The following GPBP1 variants were observed in gnomAD, a reference collection of about 807,000 sequenced individuals.
GPBP1 encodes the protein vasculin.
GPBP1 carries 13 observed loss-of-function variants against 56.5 expected under a neutral mutation model. The ratio of observed to expected loss-of-function variants is 0.23; its 90% CI spans 0.15 to 0.37. The LOEUF is 0.37. Ranked by LOEUF, GPBP1 falls within the 10% of genes least tolerant of loss-of-function variation. The pLI is 1.00. For missense variants in GPBP1, 477 were observed against 572.3 expected (o/e 0.83, Z 1.70); for synonymous variants, 204 against 188.9 (o/e 1.08, Z -0.66).
chr5:57,232,697 T>C (rs1580052782), intron 5 of GPBP1, among the ~76,000 whole-genome samples: 1 of 152,334 alleles, frequency 6.6e-6, no homozygotes, highest in African/African-American at 2.4e-5. Context: ...AGCAGTAAAG[T>C]AGATGCGTCA....
In GPBP1 at chr5:57,176,210, A is replaced by G; in HGVS notation, c.-248A>G. On this transcript the variant is annotated 5_prime_UTR_variant, in exon 2 of 12. The change creates a new upstream start codon in the 5' untranslated region. Coordinates refer to ENST00000506184, the MANE Select transcript of GPBP1 (RefSeq NM_022913.4). ...AAAGAACTTGGCTAATTCGGGAGAT[A>G]GCCATATGAAAACTTTAAAACAGAA... 2.6e-6 allele frequency: 1 copy of G among 390,970 alleles called. No homozygotes were observed. The highest frequency in any genetic ancestry group is 2.1e-5 in the African/African-American group (1 of 48,632). 24.2% of individuals were successfully genotyped at this position (390,970 alleles called of 1,614,324 possible).
At chr5:57,238,827 A>G (rs1475199376) in intron 6 of GPBP1, among the ~76,000 whole-genome samples, 1 of 152,196 alleles carries the variant, frequency 6.6e-6, no homozygotes, top group Non-Finnish European at 1.5e-5. Flanking sequence ...TTGATATACT[A>G]CTTAAGAACA....
chr5:57,202,725 T>C (rs1301280039), intron 2 of GPBP1, among the ~76,000 whole-genome samples: 2 of 152,240 alleles, frequency 1.3e-5, no homozygotes, highest in Non-Finnish European at 2.9e-5. Context: ...TTACAGTTAT[T>C]TGTTAATGCT....
chr5:57,184,242 AAAATT>A (rs1427515749), intron 2 of GPBP1, among the ~76,000 whole-genome samples: 2 of 152,100 alleles, frequency 1.3e-5, no homozygotes, highest in Non-Finnish European at 2.9e-5. Flanking sequence ...AAAGGGAAAA[AAAATT>A]AGGTTTATTG....
At chr5:57,180,479 T>C (rs1753993505) in intron 2 of GPBP1, among the ~76,000 whole-genome samples, 1 of 152,204 alleles carries the variant, frequency 6.6e-6, no homozygotes, top group South Asian at 2.1e-4. Flanking sequence ...ATAAAAATGT[T>C]TATCAAATGT....
intron 3 of GPBP1, among the ~76,000 whole-genome samples, chr5:57,219,142 A>G (rs996837226): frequency 6.6e-6 from 1 of 151,888 alleles, no homozygotes; most frequent in Admixed American, 6.6e-5. Context: ...TTAGGAGGCC[A>G]AGGCTGGTGG....
intron 2 of GPBP1, among the ~76,000 whole-genome samples, chr5:57,212,272 G>GTAAATAC (rs570778173): frequency 1.3e-5 from 2 of 152,124 alleles, no homozygotes; most frequent in South Asian, 2.1e-4. Flanking sequence ...GGAAAAGTGT[G>GTAAATAC]TAAATACTAA....
chr5:57,185,297 T>C (rs1447507789), intron 2 of GPBP1, among the ~76,000 whole-genome samples: 2 of 151,646 alleles, frequency 1.3e-5, no homozygotes, highest in Non-Finnish European at 2.9e-5. Flanking sequence ...GTTTTGCTGT[T>C]GTTGCCCAGG....
At chr5:57,187,777 C>T (rs1300229761) in intron 2 of GPBP1, among the ~76,000 whole-genome samples, 1 of 151,820 alleles carries the variant, frequency 6.6e-6, no homozygotes, top group Non-Finnish European at 1.5e-5. Context: ...TGGCTGGTCA[C>T]AGGTGATAGT....
Position 57,193,343 on chromosome 5 carries a change from C to T in GPBP1, c.-58+16943C>T, listed in dbSNP as rs141848779. On this transcript the variant is annotated intron_variant, in intron 2 of 11. Transcript: ENST00000506184. ...AAAAGAAACTGCCTAGGCCGAGTGC[C>T]GTGGCTTACTCCTGTAATCCAGCAC... Among the ~76,000 whole-genome samples, 259 of 151,634 alleles carry T rather than the reference C, an allele frequency of 1.7e-3. 2 individuals carry two copies. Among genetic ancestry groups the T allele is most frequent in the African/African-American group, 6.0e-3 (250 of 41,398 alleles).
intron 2 of GPBP1, among the ~76,000 whole-genome samples, chr5:57,203,253 A>G (rs748805384): frequency 9.2e-5 from 14 of 152,294 alleles, no homozygotes; most frequent in Non-Finnish European, 1.2e-4. Flanking sequence ...ACTTACATAC[A>G]TTTATAGCAG....
chr5:57,258,850 G>A (rs1741774758), intron 10 of GPBP1, among the ~76,000 whole-genome samples: 1 of 152,172 alleles, frequency 6.6e-6, no homozygotes, highest in South Asian at 2.1e-4. Context: ...AGAAATACTT[G>A]CCTTCTGTTA....
At chr5:57,213,948 T>A (rs1227987047) in intron 2 of GPBP1, 126 bp from the exon 3 acceptor site, 45 of 554,418 alleles carry the variant, frequency 8.1e-5, no homozygotes, top group Non-Finnish European at 3.2e-6. Context: ...TCTATAGTTT[T>A]GTCTTTTCTA....
At chr5:57,214,542 G>A (rs1215499121) in intron 3 of GPBP1, among the ~76,000 whole-genome samples, 1 of 151,996 alleles carries the variant, frequency 6.6e-6, no homozygotes, top group African/African-American at 2.4e-5. Flanking sequence ...CTGAGGTCGC[G>A]CCATTGCACT....
intron 10 of GPBP1, among the ~76,000 whole-genome samples, chr5:57,259,413 G>A (rs943147484): frequency 1.3e-5 from 2 of 152,150 alleles, no homozygotes; most frequent in Non-Finnish European, 2.9e-5. Flanking sequence ...GTAAATAAGA[G>A]GGGACTTAAA....
At chr5:57,232,960 TAG>T (rs914086171) in intron 5 of GPBP1, among the ~76,000 whole-genome samples, 1 of 152,114 alleles carries the variant, frequency 6.6e-6, no homozygotes, top group Non-Finnish European at 1.5e-5. Context: ...TAGACAAGGT[TAG>T]AGAGAGAGGA....
intron 3 of GPBP1, among the ~76,000 whole-genome samples, chr5:57,215,373 CTG>C (rs1200038177): frequency 6.6e-6 from 1 of 152,196 alleles, no homozygotes; most frequent in African/African-American, 2.4e-5. Flanking sequence ...TCTGAGTTTT[CTG>C]TGTCTTTCCC....
intron 2 of GPBP1, among the ~76,000 whole-genome samples, chr5:57,199,903 G>A (rs928634766): frequency 3.4e-5 from 5 of 147,296 alleles, no homozygotes; most frequent in African/African-American, 1.2e-4. Context: ...GGTTTCAGAT[G>A]TATTTTTAAC....
intron 6 of GPBP1, chr5:57,237,398 T>C (rs1433640689): frequency 1.0e-5 from 5 of 502,406 alleles, no homozygotes. Context: ...TTAGAAATGA[T>C]TTAGAGACAA....
Sources: gnomAD v4.1 joint callset for allele counts (sites outside exome capture counted in the v4.1 genomes callset) on GRCh38, gnomAD v4.1.1 for gene constraint, MANE v1.5 for transcripts, NCBI Gene and HGNC (gene_info 2026-07-23, HGNC 2026-07-21) for gene names.